The following MATN4 variants were observed in gnomAD, a reference collection of about 807,000 sequenced individuals.
MATN4 encodes the protein matrilin-4.
In MATN4, 40 loss-of-function variants were observed where a neutral mutation model predicts 54.6. The observed-to-expected ratio is 0.73, with a 90% confidence interval of 0.57 to 0.95. The LOEUF is 0.95. Among genes scored for constraint, MATN4 ranks in the 40% least tolerant of loss-of-function variants. The pLI, the probability that MATN4 is intolerant of heterozygous loss-of-function variation, is 0.00. For missense variants in MATN4, 810 were observed against 819.1 expected, an observed-to-expected ratio of 0.99 and a Z score of 0.13; for synonymous variants, 351 against 345.3, an observed-to-expected ratio of 1.02 and a Z score of -0.18.
chr20:45,303,194 G>A (rs746923767), intron 3 of MATN4, among the ~76,000 whole-genome samples: 1 of 152,008 alleles, frequency 6.6e-6, no homozygotes, highest in Non-Finnish European at 1.5e-5. Flanking sequence ...AGGGCAGAAA[G>A]CACACTGAAC....
intron 3 of MATN4, among the ~76,000 whole-genome samples, chr20:45,303,863 G>A (rs1986396380): frequency 6.6e-6 from 1 of 152,202 alleles, no homozygotes; most frequent in South Asian, 2.1e-4. Context: ...TTTGTGGGAG[G>A]AGCTAAGATG....
At position 45,304,351 on chromosome 20, in the gene MATN4, G is replaced by A. The variant is rs1263448812; in HGVS notation, c.520C>T (p.Gln174Ter). ...RGIEIYAVGV[Q>*]RADVGSLRAM... ...CGCAGGGAGCCCACGTCCGCGCGCT[G>A]CACCCCCACCGCGTAAATTTCAATG... The change falls in exon 3 of 10, where the codon CAG (glutamine) becomes TAG (stop). Residue 174 changes from glutamine (Q) to a stop codon, truncating the protein, a stop_gained. Coordinates refer to ENST00000372756, the MANE Select transcript of MATN4 (RefSeq NM_001393530.1). LOFTEE classifies it high-confidence loss of function. 2.0e-6 allele frequency: 3 copies of A among 1,506,788 alleles called. No homozygotes were observed. Among genetic ancestry groups the A allele is most frequent in the African/African-American group, 2.9e-5 (2 of 69,942 alleles). 93.3% of individuals were successfully genotyped at this position (1,506,788 alleles called of 1,614,324 possible).
chr20:45,305,755 G>T, intron 1 of MATN4, 139 bp from the exon 2 acceptor site: 1 of 283,184 alleles, frequency 3.5e-6, no homozygotes. Flanking sequence ...AAATGTTTCA[G>T]AATTAAAAAA....
At position 45,308,214 on chromosome 20, in the gene MATN4, G is replaced by C. The variant is rs143342734; in HGVS notation, c.-74C>G. The C allele has an allele frequency of 7.4e-6, 12 of 1,613,936 alleles. No individual in the cohort carries two copies. Among genetic ancestry groups the C allele is most frequent in the African/African-American group, 2.7e-5 (2 of 74,934 alleles). On this transcript the variant is annotated 5_prime_UTR_variant, in exon 1 of 10. Transcript: ENST00000372756. ...CAGATCAGAGATGCAGCTGCAGAGC[G>C]AAGCCGACAGGCGGAGCCTCCCGGG... is the stretch of plus-strand genomic sequence containing the variant.
intron 1 of MATN4, among the ~76,000 whole-genome samples, 196 bp downstream of exon 1, chr20:45,307,979 A>C (rs1301034930): frequency 6.6e-6 from 1 of 152,196 alleles, no homozygotes; most frequent in Non-Finnish European, 1.5e-5. Flanking sequence ...GGATGAGAGT[A>C]GAAAAGGGAT....
At position 45,301,339 on chromosome 20, in the gene MATN4, C is replaced by T. The variant is rs774514000; in HGVS notation, c.748G>A (p.Asp250Asn). 1 of 1,614,154 alleles carries T rather than the reference C, an allele frequency of 6.2e-7. No individual in the cohort carries two copies. The highest frequency in any genetic ancestry group is 8.5e-7 in the Non-Finnish European group (1 of 1,180,022). The change falls in exon 4 of 10, where the codon GAC becomes AAC. Residue 250 changes from aspartate to asparagine, a missense_variant. Transcript: ENST00000372756. Reference sequence around the variant, plus strand: ...TGCTCACCCCTGCAGCTCCTCTGGTCCTGCTGGAGTACAAAGCCAACTTGG... The same window carrying T: ...TGCTCACCCCTGCAGCTCCTCTGGTTCTGCTGGAGTACAAAGCCAACTTGG... Reference protein sequence around the residue: ...HCQVGFVLQQDQRSCRAIDYC... With the variant: ...HCQVGFVLQQNQRSCRAIDYC...
chr20:45,297,161 G>C (rs62205535), intron 8 of MATN4, among the ~76,000 whole-genome samples: 1 of 150,956 alleles, frequency 6.6e-6, no homozygotes, highest in Non-Finnish European at 1.5e-5. Flanking sequence ...AAAAAAAAAG[G>C]CAAATTCTCC....
chr20:45,305,054 A>C (rs2281018), intron 2 of MATN4, among the ~76,000 whole-genome samples: 38,117 of 152,022 alleles, frequency 0.25, 6,139 homozygotes, highest in East Asian at 0.74. Context: ...GAAGCGTCGC[A>C]AACTCAAAGC....
intron 1 of MATN4, among the ~76,000 whole-genome samples, chr20:45,306,685 G>C (rs1351626403): frequency 1.3e-5 from 2 of 152,264 alleles, no homozygotes; most frequent in African/African-American, 4.8e-5. Context: ...CTGCTCTCAG[G>C]AGCGACCGCC....
In MATN4 at chr20:45,298,092, G is replaced by C; in HGVS notation, c.1427-22C>G. The C allele has an allele frequency of 6.2e-7, 1 of 1,607,182 alleles. No individual in the cohort carries two copies. Among genetic ancestry groups the C allele is most frequent in the Admixed American group, 1.7e-5 (1 of 59,874 alleles). ...ATGCCTGCAAGGCCGGGGTCTCAGA[G>C]GGTGCCCCAGGCCTCGGGAAAGCTG... On this transcript the variant is annotated intron_variant, in intron 7 of 9. Transcript: ENST00000372756. The surrounding 1 kb of genome is among the most constrained non-coding windows in gnomAD (Gnocchi z 4.6).
Position 45,304,300 on chromosome 20 carries a change from C to CG in MATN4, c.570dup (p.Glu191ArgfsTer27), listed in dbSNP as rs1350341030. ...AAGGACTCTACGAGGAAGACGTGCT[C>CG]GTCTAGCGGGGGCGATGCCATGGCG... On this transcript the variant is annotated frameshift_variant, in exon 3 of 10. Coordinates refer to ENST00000372756, the MANE Select transcript of MATN4 (RefSeq NM_001393530.1). LOFTEE classifies it high-confidence loss of function. 2.1e-5 allele frequency: 33 copies of CG among 1,544,892 alleles called. No homozygotes were observed. Among genetic ancestry groups the CG allele is most frequent in the Non-Finnish European group, 2.9e-5 (33 of 1,148,390 alleles).
chr20:45,298,485 T>A lies in MATN4; in HGVS notation c.1111A>T (p.Ile371Phe), dbSNP rs763662141. The A allele has an allele frequency of 1.9e-6, 3 of 1,613,776 alleles. No individual in the cohort carries two copies. The Admixed American group carries it at 5.0e-5, about 27-fold the overall frequency. ...GGGGACACATCTAGGAAGTCCACAATCTGGTTCACGAAGCGCTTCACTAGC... is the reference window on the plus strand; with the variant it reads ...GGGGACACATCTAGGAAGTCCACAAACTGGTTCACGAAGCGCTTCACTAGC... Reference protein sequence around the residue: ...FELVKRFVNQIVDFLDVSPEG... With the variant: ...FELVKRFVNQFVDFLDVSPEG... Residue 371 changes from isoleucine to phenylalanine, a missense_variant, in exon 7 of 10, where the codon ATT becomes TTT. By Grantham distance (21) the Ile-to-Phe change is conservative. Coordinates refer to ENST00000372756, the MANE Select transcript of MATN4 (RefSeq NM_001393530.1). This position sits in a 1 kb window ranked among gnomAD's most constrained non-coding sequence, Gnocchi z 4.6.
intron 1 of MATN4, chr20:45,306,941 G>C: frequency 2.4e-6 from 3 of 1,255,002 alleles, no homozygotes; most frequent in Non-Finnish European, 3.0e-6. Context: ...CGCAGGGGCA[G>C]CAGGTGAGCG....
chr20:45,304,606 G>C lies in MATN4; in HGVS notation c.265C>G (p.Arg89Gly). The C allele has an allele frequency of 1.2e-6, 2 of 1,600,712 alleles. No homozygotes were observed. Among genetic ancestry groups the C allele is most frequent in the Non-Finnish European group, 8.6e-7 (1 of 1,169,440 alleles). Residue 89 changes from arginine (R) to glycine (G), a missense_variant, in exon 3 of 10, where the codon CGC becomes GGC. Coordinates refer to ENST00000372756, the MANE Select transcript of MATN4 (RefSeq NM_001393530.1). ...SSQVQSVFPLRAFSRREDMER... is the reference protein window; with the variant it reads ...SSQVQSVFPLGAFSRREDMER... ...ATGTCCTCGCGGCGAGAGAACGCGC[G>C]GAGAGGGAAGACGCTCTGCACTTGA... is the stretch of plus-strand genomic sequence containing the variant.
At position 45,293,812 on chromosome 20, in the gene MATN4, C is replaced by G. The variant is rs921998773; in HGVS notation, c.1701G>C (p.Thr567=). ...GGTTCTCCAGATCCTCCAGGCGCGCCGTCAGCTGGGCCAGTGAGCGGTTAA... is the reference window on the plus strand; with the variant it reads ...GGTTCTCCAGATCCTCCAGGCGCGCGGTCAGCTGGGCCAGTGAGCGGTTAA... ...ESLTLNLAQL[T]ARLEDLENQL... The change falls in exon 10 of 10, where the codon ACG becomes ACC. Residue 567 remains threonine (T), a synonymous_variant. Transcript: ENST00000372756. The G allele has an allele frequency of 9.9e-6, 16 of 1,611,440 alleles. No homozygotes were observed. The highest frequency in any genetic ancestry group is 1.4e-5 in the Non-Finnish European group (16 of 1,179,936).
chr20:45,299,903 G>C (rs1358858963), intron 6 of MATN4, among the ~76,000 whole-genome samples: 1 of 131,758 alleles, frequency 7.6e-6, no homozygotes, highest in Non-Finnish European at 1.6e-5. Context: ...AAAAAAAGTC[G>C]AAGAGGGCTT....
At chr20:45,306,962 C>T (rs1470539414) in intron 1 of MATN4, 2 of 1,250,942 alleles carry the variant, frequency 1.6e-6, no homozygotes, top group Admixed American at 4.2e-5. Context: ...CTTACCCTCC[C>T]GAGGCCCCGG....
At position 45,293,576 on chromosome 20, in the gene MATN4, TGAC is replaced by T; in HGVS notation, c.*188_*190del. 1 of 551,160 alleles carries T rather than the reference TGAC, an allele frequency of 1.8e-6. No homozygotes were observed. 34.1% of individuals were successfully genotyped at this position (551,160 alleles called of 1,614,324 possible). A position where few individuals can be genotyped will look rare whatever the true frequency, so the allele number is the denominator to read the frequency against. On this transcript the variant is annotated 3_prime_UTR_variant, in exon 10 of 10. Transcript: ENST00000372756. Reference sequence around the variant, plus strand: ...CTTCCCTCACCACCCGCTATCCCCCTGACGCCGCAGTCCGCCTAATGGTCCGGG... The same window carrying T: ...CTTCCCTCACCACCCGCTATCCCCCTGCCGCAGTCCGCCTAATGGTCCGGG...
chr20:45,300,808 G>A, intron 6 of MATN4, 79 bp downstream of exon 6: 2 of 1,563,402 alleles, frequency 1.3e-6, no homozygotes, highest in Non-Finnish European at 1.7e-6. Context: ...AGGGGCCACA[G>A]CAATGGCAAA....
Sources: allele counts gnomAD v4.1 joint callset (sites outside exome capture counted in the v4.1 genomes callset), GRCh38; gene constraint gnomAD v4.1.1; non-coding constraint Gnocchi (gnomAD v3.1); transcripts MANE v1.5; gene names NCBI Gene and HGNC (gene_info 2026-07-23, HGNC 2026-07-21).